DPP10: variants seen among roughly 807,000 people sequenced by gnomAD.
DPP10 encodes inactive dipeptidyl peptidase 10.
In DPP10, 33 loss-of-function variants were observed where a neutral mutation model predicts 120.9. The ratio of observed to expected loss-of-function variants is 0.27; its 90% CI spans 0.21 to 0.37. The LOEUF (loss-of-function observed/expected upper bound fraction) is 0.37. DPP10 is among the 10% of genes least tolerant of loss of function. The probability of loss-of-function intolerance (pLI) is 1.00; values close to 1 mark genes in which losing one functional copy is unlikely to be tolerated. For synonymous variants in DPP10, 337 were observed against 326.1 expected, an observed-to-expected ratio of 1.03 and a Z score of -0.36; for missense variants, 816 against 942.8, an observed-to-expected ratio of 0.87 and a Z score of 1.76.
chr2:114,923,630 C>G (rs1010127263), intron 1 of DPP10, among the ~76,000 whole-genome samples: 2 of 151,830 alleles, frequency 1.3e-5, no homozygotes, highest in African/African-American at 2.4e-5. Context: ...AGGCGCCCGC[C>G]ACCACGCCTG....
chr2:114,591,361 G>C (rs775358568), intron 1 of DPP10, among the ~76,000 whole-genome samples: 5 of 152,126 alleles, frequency 3.3e-5, no homozygotes, highest in Non-Finnish European at 7.4e-5. Flanking sequence ...TCATGGGTGG[G>C]AAGGCCAGAC....
Position 114,739,026 on chromosome 2 carries a change from A to G in DPP10, c.60+296188A>G, listed in dbSNP as rs1262359346. ...AGAGTTTCCCTTCAACTCATCCCCT[A>G]TTTACTCTGCCCATTTCCTAGTTTG... On this transcript the variant is annotated intron_variant, in intron 1 of 25. Coordinates refer to ENST00000410059, the MANE Select transcript of DPP10 (RefSeq NM_020868.6). Among the ~76,000 whole-genome samples, 3 of 151,928 alleles carry G rather than the reference A, an allele frequency of 2.0e-5. No individual in the cohort carries two copies. In the East Asian group the frequency reaches 5.8e-4, roughly 29 times the overall value.
At chr2:115,808,266 A>T (rs1053437370) in intron 19 of DPP10, among the ~76,000 whole-genome samples, 2 of 152,234 alleles carry the variant, frequency 1.3e-5, no homozygotes, top group South Asian at 4.1e-4. Flanking sequence ...AGATTTTTAA[A>T]TTATGTGTAT....
intron 1 of DPP10, among the ~76,000 whole-genome samples, chr2:115,043,245 T>C (rs1423518945): frequency 4.6e-5 from 7 of 152,200 alleles, no homozygotes; most frequent in African/African-American, 9.6e-5. Flanking sequence ...ATGACTGATA[T>C]AGCCAATCTT....
chr2:114,548,850 A>G (rs1327542492), intron 1 of DPP10, among the ~76,000 whole-genome samples: 2 of 152,154 alleles, frequency 1.3e-5, no homozygotes, highest in Non-Finnish European at 2.9e-5. Flanking sequence ...CCTGAGACAC[A>G]CATACGAAAG....
chr2:115,790,316 T>A (rs953534683), intron 17 of DPP10, among the ~76,000 whole-genome samples: 3 of 151,392 alleles, frequency 2.0e-5, no homozygotes, highest in African/African-American at 7.3e-5. Flanking sequence ...CCTGACCTCA[T>A]GATCCACCCG....
intron 1 of DPP10, among the ~76,000 whole-genome samples, chr2:115,304,124 T>G (rs2061262365): frequency 6.6e-6 from 1 of 152,038 alleles, no homozygotes; most frequent in Admixed American, 6.6e-5. Context: ...ACACCATCAG[T>G]AAAATAAAAT....
At chr2:114,715,041 C>T (rs1488872779) in intron 1 of DPP10, among the ~76,000 whole-genome samples, 1 of 152,114 alleles carries the variant, frequency 6.6e-6, no homozygotes, top group South Asian at 2.1e-4. Context: ...ATTTCCTAGT[C>T]TCTACCTATC....
intron 5 of DPP10, among the ~76,000 whole-genome samples, chr2:115,567,788 C>T (rs147467381): frequency 1.3e-5 from 2 of 152,174 alleles, no homozygotes; most frequent in Admixed American, 6.5e-5. Flanking sequence ...AAATGTTGGA[C>T]CAATTTACAT....
intron 1 of DPP10, among the ~76,000 whole-genome samples, chr2:114,973,310 AT>A (rs1345695142): frequency 2.0e-5 from 3 of 151,812 alleles, no homozygotes; most frequent in African/African-American, 7.3e-5. Context: ...TCGTTTATAT[AT>A]TTACCATACT....
At chr2:115,409,990 A>C (rs1356749593) in intron 3 of DPP10, among the ~76,000 whole-genome samples, 2 of 152,186 alleles carry the variant, frequency 1.3e-5, no homozygotes, top group Non-Finnish European at 2.9e-5. Flanking sequence ...AGAACGATAT[A>C]ATGTTTTGGG....
At chr2:115,471,717 G>T (rs2074732092) in intron 3 of DPP10, among the ~76,000 whole-genome samples, 1 of 152,016 alleles carries the variant, frequency 6.6e-6, no homozygotes. Context: ...CTCCTGAGTA[G>T]CTGGGACCAC....
intron 1 of DPP10, among the ~76,000 whole-genome samples, chr2:114,829,037 C>A (rs1686823604): frequency 6.6e-6 from 1 of 151,954 alleles, no homozygotes; most frequent in Non-Finnish European, 1.5e-5. Flanking sequence ...GCCTGTAATC[C>A]CAGCATTTTG....
intron 1 of DPP10, among the ~76,000 whole-genome samples, chr2:115,059,991 T>C (rs549994374): frequency 4.9e-4 from 75 of 152,224 alleles, no homozygotes; most frequent in African/African-American, 1.7e-3. Context: ...TGCACATCTT[T>C]AGTACTCTCA....
At chr2:115,779,610 G>A (rs1472019892) in intron 15 of DPP10, among the ~76,000 whole-genome samples, 3 of 152,002 alleles carry the variant, frequency 2.0e-5, no homozygotes, top group African/African-American at 7.2e-5. Flanking sequence ...AGAGAAAAAG[G>A]TTTTAAATCT....
chr2:115,565,769 G>GTTTTTTTTTTGT (rs144846765), intron 5 of DPP10, among the ~76,000 whole-genome samples: 10 of 136,220 alleles, frequency 7.3e-5, no homozygotes, highest in Admixed American at 2.2e-4. Flanking sequence ...TGTTTGTTTT[G>GTTTTTTTTTTGT]TTTTTTTTTG....
intron 2 of DPP10, among the ~76,000 whole-genome samples, chr2:115,320,524 C>G (rs1473668158): frequency 6.6e-6 from 1 of 151,566 alleles, no homozygotes; most frequent in African/African-American, 2.4e-5. Context: ...TGTTGGTCAT[C>G]ATAATTCATA....
chr2:114,558,592 A>G (rs1047717426), intron 1 of DPP10, among the ~76,000 whole-genome samples: 1 of 152,220 alleles, frequency 6.6e-6, no homozygotes, highest in Non-Finnish European at 1.5e-5. Context: ...CCATCAAACA[A>G]AAAGCTCCTC....
intron 1 of DPP10, among the ~76,000 whole-genome samples, chr2:115,093,909 C>T (rs1245289432): frequency 3.3e-5 from 5 of 151,936 alleles, no homozygotes; most frequent in Admixed American, 2.0e-4. Flanking sequence ...AATTTTCTAA[C>T]ATTAAAAAAA....
Sources: allele counts gnomAD v4.1 joint callset (sites outside exome capture counted in the v4.1 genomes callset), GRCh38; gene constraint gnomAD v4.1.1; transcripts MANE v1.5; gene names NCBI Gene and HGNC (gene_info 2026-07-23, HGNC 2026-07-21).